Variants in SLIT3 observed in about 807,000 individuals in gnomAD.
SLIT3 encodes the protein slit homolog 3 protein.
SLIT3 carries 68 observed loss-of-function variants against 184.0 expected under a neutral mutation model. That is an observed-to-expected ratio of 0.37 (90% CI 0.30 to 0.45). The LOEUF (loss-of-function observed/expected upper bound fraction) is 0.45. Ranked by LOEUF, SLIT3 falls within the 20% of genes least tolerant of loss-of-function variation. The pLI, the probability that SLIT3 is intolerant of heterozygous loss-of-function variation, is 1.00. For synonymous variants in SLIT3, 831 were observed against 828.6 expected, an observed-to-expected ratio of 1.00 and a Z score of -0.05; for missense variants, 1,707 against 2,026.0, an observed-to-expected ratio of 0.84 and a Z score of 3.02.
intron 20 of SLIT3, 85 bp from the exon 21 acceptor site, chr5:168,724,569 A>G: frequency 7.6e-6 from 8 of 1,056,940 alleles, no homozygotes; most frequent in Non-Finnish European, 1.1e-5. Context: ...CTGACTTTCC[A>G]GGCTGGATTA....
At chr5:168,771,133 G>A (rs1048672916) in intron 14 of SLIT3, among the ~76,000 whole-genome samples, 1 of 152,182 alleles carries the variant, frequency 6.6e-6, no homozygotes, top group Non-Finnish European at 1.5e-5. Flanking sequence ...CTGTTTGGCA[G>A]AGCTAATTAA....
rs199707806 is a variant in SLIT3 at position 169,224,373 on chromosome 5, A to AT, written c.341+20331dup. Among the ~76,000 whole-genome samples the AT allele has an allele frequency of 5.2e-4, 47 of 90,818 alleles. No individual in the cohort carries two copies. The South Asian group carries it at 9.5e-3, about 18-fold the overall frequency. The allele number at this position is 90,818 out of a possible 152,430, so 59.6% of individuals were successfully genotyped here. On this transcript the variant is annotated intron_variant, in intron 3 of 35. Transcript: ENST00000519560. The stretch of plus-strand genomic sequence containing the variant: ...GTCCATTTAAAATTTTTTATTATTT[A>AT]TTTATTTATTTATTTTTTTTGAGAC...
At chr5:168,826,851 T>C (rs1229561518) in intron 6 of SLIT3, among the ~76,000 whole-genome samples, 1 of 150,036 alleles carries the variant, frequency 6.7e-6, no homozygotes, top group Non-Finnish European at 1.5e-5. Context: ...AACTTCTGCC[T>C]CCTGGGTTCC....
chr5:168,831,361 G>C (rs548764042), intron 6 of SLIT3, among the ~76,000 whole-genome samples: 1 of 152,026 alleles, frequency 6.6e-6, no homozygotes, highest in African/African-American at 2.4e-5. Context: ...CATCTCTTTC[G>C]CATTACCTGC....
intron 4 of SLIT3, among the ~76,000 whole-genome samples, chr5:168,951,339 A>G (rs913632690): frequency 6.6e-6 from 1 of 152,204 alleles, no homozygotes. Flanking sequence ...AATATTATAC[A>G]TAAGGTTCTG....
At chr5:168,734,607 T>C (rs748020193) in intron 20 of SLIT3, among the ~76,000 whole-genome samples, 2 of 152,226 alleles carry the variant, frequency 1.3e-5, no homozygotes, top group African/African-American at 4.8e-5. Flanking sequence ...AGAATGTATA[T>C]TCTGTAGTTG....
chr5:169,041,733 G>A (rs1757455433), intron 4 of SLIT3, among the ~76,000 whole-genome samples: 1 of 152,194 alleles, frequency 6.6e-6, no homozygotes, highest in African/African-American at 2.4e-5. Context: ...AAGAACAGAA[G>A]CAATCTGGGT....
At chr5:169,105,380 G>A (rs868133376) in intron 4 of SLIT3, among the ~76,000 whole-genome samples, 2 of 152,118 alleles carry the variant, frequency 1.3e-5, no homozygotes, top group African/African-American at 2.4e-5. Flanking sequence ...TTAAACCAAC[G>A]AAATACCCAA....
intron 4 of SLIT3, among the ~76,000 whole-genome samples, chr5:168,967,435 A>ATTTTTTTTTTTTTTTTTTTTTTTTTTTT: frequency 3.3e-5 from 1 of 30,760 alleles, no homozygotes; most frequent in Non-Finnish European, 6.1e-5. Context: ...GCCATCTCAA[A>ATTTTTTTTTTTTTTTTTTTTTTTTTTTT]TCTTTTTTTT....
chr5:169,296,433 C>T (rs371857673), intron 1 of SLIT3, among the ~76,000 whole-genome samples: 12 of 152,266 alleles, frequency 7.9e-5, no homozygotes, highest in African/African-American at 2.4e-4. Flanking sequence ...GAGGCTATAC[C>T]GGTCCACTGG....
At chr5:169,178,949 A>T (rs2113436807) in intron 4 of SLIT3, among the ~76,000 whole-genome samples, 1 of 152,286 alleles carries the variant, frequency 6.6e-6, no homozygotes, top group Non-Finnish European at 1.5e-5. Context: ...CGGGCCCATG[A>T]TTGAATGATG....
intron 1 of SLIT3, among the ~76,000 whole-genome samples, chr5:169,280,490 G>A (rs947880641): frequency 6.6e-6 from 1 of 152,128 alleles, no homozygotes; most frequent in Non-Finnish European, 1.5e-5. Flanking sequence ...CTGGCCCCTC[G>A]GCTATGTGGG....
chr5:168,680,070 A>G (rs1761535822), intron 32 of SLIT3, among the ~76,000 whole-genome samples: 1 of 152,212 alleles, frequency 6.6e-6, no homozygotes, highest in African/African-American at 2.4e-5. Flanking sequence ...TTGATAATCT[A>G]TATTCCCACA....
chr5:168,719,718 GGAT>G (rs1762875523), intron 23 of SLIT3, among the ~76,000 whole-genome samples: 1 of 152,168 alleles, frequency 6.6e-6, no homozygotes, highest in Admixed American at 6.5e-5. Flanking sequence ...CCCTCATTTT[GGAT>G]GATTCTTTAA....
At chr5:168,709,105 T>TG (rs1762467666) in intron 25 of SLIT3, among the ~76,000 whole-genome samples, 1 of 127,030 alleles carries the variant, frequency 7.9e-6, no homozygotes, top group Admixed American at 7.6e-5. Context: ...CTGTTTGTTT[T>TG]TTTTTTTTTT....
At chr5:168,984,257 G>A (rs114985256) in intron 4 of SLIT3, among the ~76,000 whole-genome samples, 3,375 of 152,248 alleles carry the variant, frequency 0.022, 55 homozygotes, top group Non-Finnish European at 0.034. Flanking sequence ...TGGTGAGCAC[G>A]GGTAGGGGCA....
intron 4 of SLIT3, among the ~76,000 whole-genome samples, chr5:169,116,154 TA>T (rs1277959154): frequency 2.0e-5 from 3 of 152,160 alleles, no homozygotes; most frequent in Non-Finnish European, 4.4e-5. Context: ...TTGTTTGGAT[TA>T]TTTTTATTAT....
intron 4 of SLIT3, among the ~76,000 whole-genome samples, chr5:169,064,960 A>C (rs978977933): frequency 6.6e-6 from 1 of 152,204 alleles, no homozygotes; most frequent in East Asian, 1.9e-4. Flanking sequence ...GCCTTGACAC[A>C]AAGAGTTCTG....
At position 168,746,350 on chromosome 5, in the gene SLIT3, T is replaced by A. The variant is rs367720219; in HGVS notation, c.2270+1952A>T. ...TGGTGTGTGAGTGTGGTGGTGTGGG[T>A]GTGTGGTGGTGTGTGGTGTGTGAGT... On this transcript the variant is annotated intron_variant, in intron 20 of 35. Coordinates refer to ENST00000519560, the MANE Select transcript of SLIT3 (RefSeq NM_003062.4). Among the ~76,000 whole-genome samples, 727 of 85,048 alleles carry A rather than the reference T, an allele frequency of 8.5e-3. 4 individuals are homozygous for A. The highest frequency in any genetic ancestry group is 0.012 in the Non-Finnish European group (503 of 43,550). 55.8% of individuals were successfully genotyped at this position (85,048 alleles called of 152,430 possible).
Sources: gnomAD v4.1 joint callset for allele counts (sites outside exome capture counted in the v4.1 genomes callset) on GRCh38, gnomAD v4.1.1 for gene constraint, MANE v1.5 for transcripts, NCBI Gene and HGNC (gene_info 2026-07-23, HGNC 2026-07-21) for gene names.